HAPLN1: variants seen among roughly 807,000 people sequenced by gnomAD.
The protein encoded by HAPLN1 is Cartilage link protein.
Under a neutral mutation model 36.5 loss-of-function variants are expected in HAPLN1, and 13 were observed. The ratio of observed to expected loss-of-function variants is 0.36; its 90% CI spans 0.23 to 0.57. The LOEUF is 0.57. Among genes scored for constraint, HAPLN1 ranks in the 20% least tolerant of loss-of-function variants. HAPLN1 has a pLI of 0.83. For synonymous variants in HAPLN1, 202 were observed against 169.8 expected, an observed-to-expected ratio of 1.19 and a Z score of -1.48; for missense variants, 407 against 439.7, an observed-to-expected ratio of 0.93 and a Z score of 0.66.
intron 1 of HAPLN1, among the ~76,000 whole-genome samples, chr5:83,715,023 C>T (rs191187055): frequency 1.2e-4 from 18 of 152,292 alleles, no homozygotes; most frequent in African/African-American, 4.1e-4. Flanking sequence ...TTAACATGGT[C>T]CTTCACATTT....
At chr5:83,692,865 T>C (rs1000980157) in intron 1 of HAPLN1, among the ~76,000 whole-genome samples, 1 of 151,788 alleles carries the variant, frequency 6.6e-6, no homozygotes, top group Non-Finnish European at 1.5e-5. Flanking sequence ...TGTCTAAGGG[T>C]AATAGAAATA....
chr5:83,714,584 C>A (rs1225231892), intron 1 of HAPLN1, among the ~76,000 whole-genome samples: 1 of 152,062 alleles, frequency 6.6e-6, no homozygotes, highest in Non-Finnish European at 1.5e-5. Context: ...ACTGTACTTA[C>A]ATACCTGAGA....
At chr5:83,667,408 A>G (rs1469019559) in intron 2 of HAPLN1, among the ~76,000 whole-genome samples, 1 of 152,122 alleles carries the variant, frequency 6.6e-6, no homozygotes, top group Non-Finnish European at 1.5e-5. Context: ...TTATAATTCC[A>G]CGATGGAATT....
chr5:83,656,149 G>T (rs1312734149), intron 2 of HAPLN1, among the ~76,000 whole-genome samples: 1 of 151,874 alleles, frequency 6.6e-6, no homozygotes, highest in Non-Finnish European at 1.5e-5. Flanking sequence ...TCAACATGGT[G>T]AAACCCCGTC....
chr5:83,659,524 C>T (rs946374213), intron 2 of HAPLN1, among the ~76,000 whole-genome samples: 1 of 152,050 alleles, frequency 6.6e-6, no homozygotes, highest in East Asian at 1.9e-4. Context: ...CACATGTACA[C>T]TTCCATATTT....
At position 83,640,092 on chromosome 5, in the gene HAPLN1, T is replaced by A. The variant is rs1749636961; in HGVS notation, c.*1404A>T. The A allele has an allele frequency of 6.6e-6, 1 of 152,096 alleles. No homozygotes were observed. The highest frequency in any genetic ancestry group is 2.4e-5 in the African/African-American group (1 of 41,446). The allele number at this position is 152,096 out of a possible 1,614,324, so 9.4% of individuals were successfully genotyped here. ...GTCATACTTGGATTATTATAGTAAA[T>A]CCCATTTATTAGAACTCATTGTGAA... is the stretch of plus-strand genomic sequence containing the variant. On this transcript the variant is annotated 3_prime_UTR_variant, in exon 5 of 5. Transcript: ENST00000274341.
At chr5:83,667,407 C>G (rs1039838042) in intron 2 of HAPLN1, among the ~76,000 whole-genome samples, 4 of 151,798 alleles carry the variant, frequency 2.6e-5, no homozygotes, top group Admixed American at 2.0e-4. Flanking sequence ...TTTATAATTC[C>G]ACGATGGAAT....
intron 3 of HAPLN1, among the ~76,000 whole-genome samples, chr5:83,649,415 C>A (rs1749982898): frequency 6.6e-6 from 1 of 151,988 alleles, no homozygotes; most frequent in Non-Finnish European, 1.5e-5. Context: ...GGCTTACATT[C>A]ATGGTCCAAA....
In HAPLN1 at chr5:83,682,989, C is replaced by T. The variant is rs16900734; in HGVS notation, c.-26-9440G>A. On this transcript the variant is annotated intron_variant, in intron 1 of 4. Coordinates refer to ENST00000274341, the MANE Select transcript of HAPLN1 (RefSeq NM_001884.4). ...GGCATGGAATCTTAGCTAGAAACTACTGCTGTAGACTTCAAAAATATCTAC... is the reference window on the plus strand; with the variant it reads ...GGCATGGAATCTTAGCTAGAAACTATTGCTGTAGACTTCAAAAATATCTAC... Among the ~76,000 whole-genome samples, 23 of 151,876 alleles carry T rather than the reference C, an allele frequency of 1.5e-4. 1 individual carries two copies. The South Asian group carries it at 4.6e-3, about 30-fold the overall frequency.
At chr5:83,644,733 T>C (rs936345010) in intron 3 of HAPLN1, 68 bp from the exon 4 acceptor site, 7 of 1,192,834 alleles carry the variant, frequency 5.9e-6, no homozygotes, top group Non-Finnish European at 7.7e-6. Flanking sequence ...AAATGCCACC[T>C]AGTTGGTGAA....
chr5:83,650,673 C>A (rs992365079), intron 3 of HAPLN1, among the ~76,000 whole-genome samples: 4 of 135,294 alleles, frequency 3.0e-5, no homozygotes, highest in African/African-American at 1.1e-4. Flanking sequence ...CTTGCTCTGT[C>A]GCCCAGGCTG....
At chr5:83,657,158 C>T (rs1750242681) in intron 2 of HAPLN1, among the ~76,000 whole-genome samples, 1 of 151,658 alleles carries the variant, frequency 6.6e-6, no homozygotes, top group South Asian at 2.1e-4. Context: ...TGCAATGGCA[C>T]CAACTTGGCT....
intron 1 of HAPLN1, among the ~76,000 whole-genome samples, chr5:83,683,580 T>C (rs991522155): frequency 5.3e-5 from 8 of 152,306 alleles, no homozygotes; most frequent in Admixed American, 2.6e-4. Flanking sequence ...TAATCTCTTA[T>C]ACCTCGTTAA....
At chr5:83,650,679 G>C (rs1750031296) in intron 3 of HAPLN1, among the ~76,000 whole-genome samples, 1 of 147,594 alleles carries the variant, frequency 6.8e-6, no homozygotes. Context: ...CTGTCGCCCA[G>C]GCTGGAGTGC....
chr5:83,697,197 T>C (rs1751407185), intron 1 of HAPLN1, among the ~76,000 whole-genome samples: 1 of 152,148 alleles, frequency 6.6e-6, no homozygotes, highest in Non-Finnish European at 1.5e-5. Flanking sequence ...TTCTAGATGA[T>C]TCAATGAGTC....
At chr5:83,669,236 C>T (rs2112592316) in intron 2 of HAPLN1, among the ~76,000 whole-genome samples, 1 of 152,276 alleles carries the variant, frequency 6.6e-6, no homozygotes, top group Admixed American at 6.5e-5. Context: ...GGCGTGGTGG[C>T]TCACACCTGT....
chr5:83,673,439 C>T lies in HAPLN1; in HGVS notation c.85G>A (p.Ala29Thr), dbSNP rs139340085. 94 of 1,607,206 alleles carry T rather than the reference C, an allele frequency of 5.8e-5. No individual in the cohort carries two copies. The highest frequency in any genetic ancestry group is 1.4e-4 in the Admixed American group (8 of 58,916). ...SDNYTLDHDR[A>T]IHIQAENGPH... ...GTTTCCTTACCTTGGATGTGAATAG[C>T]TCTGTCATGATCCAGAGTATAGTTG... The change falls in exon 2 of 5, where the codon GCT becomes ACT. Residue 29 changes from alanine (A) to threonine (T), a missense_variant. Coordinates refer to ENST00000274341, the MANE Select transcript of HAPLN1 (RefSeq NM_001884.4).
At chr5:83,647,234 T>C (rs918245236) in intron 3 of HAPLN1, among the ~76,000 whole-genome samples, 2 of 152,210 alleles carry the variant, frequency 1.3e-5, no homozygotes, top group African/African-American at 4.8e-5. Context: ...CATACAATCA[T>C]TTTTTAGGGT....
intron 1 of HAPLN1, among the ~76,000 whole-genome samples, chr5:83,676,812 T>C (rs1176528566): frequency 1.3e-5 from 2 of 152,172 alleles, no homozygotes; most frequent in East Asian, 3.9e-4. Context: ...ACATTGAAGG[T>C]CTCTTTTCAC....
Sources: allele counts gnomAD v4.1 joint callset (sites outside exome capture counted in the v4.1 genomes callset), GRCh38; gene constraint gnomAD v4.1.1; transcripts MANE v1.5; gene names NCBI Gene and HGNC (gene_info 2026-07-23, HGNC 2026-07-21).